Variants in PREX1 observed in about 807,000 individuals in gnomAD.
PREX1 encodes phosphatidylinositol 3,4,5-trisphosphate-dependent Rac exchanger 1 protein.
In PREX1, 41 loss-of-function variants were observed where a neutral mutation model predicts 198.3. The ratio of observed to expected loss-of-function variants is 0.21; its 90% CI spans 0.16 to 0.27. The LOEUF is 0.27. PREX1 is among the 10% of genes least tolerant of loss of function. The probability of loss-of-function intolerance (pLI) is 1.00; values close to 1 mark genes in which losing one functional copy is unlikely to be tolerated. For synonymous variants in PREX1, 843 were observed against 887.2 expected (o/e 0.95, Z 0.89); for missense variants, 1,620 against 2,200.7 (o/e 0.74, Z 5.28).
At chr20:48,714,455 G>T (rs145392031) in intron 5 of PREX1, among the ~76,000 whole-genome samples, 1 of 152,146 alleles carries the variant, frequency 6.6e-6, no homozygotes. Context: ...AACAGGCATA[G>T]GACTTGAACA....
At chr20:48,860,462 A>G in the PREX1 span, among the ~76,000 whole-genome samples, 1 of 152,222 alleles carries the variant, frequency 6.6e-6, no homozygotes, top group African/African-American at 2.4e-5. Flanking sequence ...AGGTTGCACA[A>G]CAATGTGGAT....
intron 31 of PREX1, among the ~76,000 whole-genome samples, chr20:48,637,309 C>A (rs117271362): frequency 6.6e-6 from 1 of 152,196 alleles, no homozygotes; most frequent in Non-Finnish European, 1.5e-5. Context: ...AGTAGCACCC[C>A]CTTGGCTAAT....
chr20:48,750,820 C>T (rs1486240354), intron 1 of PREX1, among the ~76,000 whole-genome samples: 1 of 152,184 alleles, frequency 6.6e-6, no homozygotes, highest in African/African-American at 2.4e-5. Context: ...GGGATGAAAC[C>T]ATAACCCCCA....
chr20:48,770,972 G>C (rs1408829536), intron 1 of PREX1, among the ~76,000 whole-genome samples: 2 of 152,112 alleles, frequency 1.3e-5, no homozygotes, highest in African/African-American at 4.8e-5. Flanking sequence ...CCTGCGATGG[G>C]GCACCAGGTT....
At chr20:48,877,271 CAA>C in the PREX1 span, among the ~76,000 whole-genome samples, 7 of 112,742 alleles carry the variant, frequency 6.2e-5, no homozygotes, top group Admixed American at 9.5e-5. Flanking sequence ...AACTCCATCT[CAA>C]AAAAAAAAAA....
At chr20:48,726,484 C>T (rs576561097) in intron 4 of PREX1, 93 bp from the exon 5 acceptor site, 2 of 875,898 alleles carry the variant, frequency 2.3e-6, no homozygotes, top group East Asian at 2.6e-5. Flanking sequence ...CAGAGCACAG[C>T]TACAATCACT....
chr20:48,688,935 C>T (rs2089801300), intron 9 of PREX1, 131 bp from the exon 10 acceptor site: 2 of 1,046,470 alleles, frequency 1.9e-6, no homozygotes, highest in Non-Finnish European at 2.8e-6. Context: ...CCCTCCACCA[C>T]CACCACGCCA....
chr20:48,767,526 A>G (rs1231540904), intron 1 of PREX1, among the ~76,000 whole-genome samples: 1 of 152,136 alleles, frequency 6.6e-6, no homozygotes, highest in African/African-American at 2.4e-5. Context: ...CCTAACTCAG[A>G]GAAGGAAATA....
At chr20:48,649,929 C>T (rs1309305020) in intron 24 of PREX1, 67 bp downstream of exon 24, 2 of 1,559,756 alleles carry the variant, frequency 1.3e-6, no homozygotes, top group African/African-American at 1.4e-5. Context: ...GACCTTCAGA[C>T]AAGTTTTGGT....
At chr20:48,826,066 T>A (rs909520804) in intron 1 of PREX1, among the ~76,000 whole-genome samples, 4 of 151,914 alleles carry the variant, frequency 2.6e-5, no homozygotes, top group Non-Finnish European at 5.9e-5. Context: ...CTCCCTGAGC[T>A]GGAACTCTGA....
chr20:48,649,570 A>G lies in PREX1; in HGVS notation c.3035T>C (p.Leu1012Pro). The change falls in exon 25 of 40, where the codon CTG becomes CCG. Residue 1012 changes from leucine to proline, a missense_variant. By Grantham distance (98) the Leu-to-Pro change is moderately conservative. Transcript: ENST00000371941. ...LIGLDPEQGH[L>P]NPMSYTQHCI... The stretch of plus-strand genomic sequence containing the variant: ...GTGCTGGGTGTACGACATGGGGTTC[A>G]GGTGGCCTGCAGTGGAGGAAGAGAG... 1.9e-6 allele frequency: 3 copies of G among 1,591,898 alleles called. No homozygotes were observed. Among genetic ancestry groups the G allele is most frequent in the Non-Finnish European group, 2.6e-6 (3 of 1,167,894 alleles).
chr20:48,823,570 C>A (rs2090496668), intron 1 of PREX1, among the ~76,000 whole-genome samples: 1 of 152,236 alleles, frequency 6.6e-6, no homozygotes, highest in African/African-American at 2.4e-5. Flanking sequence ...CCTCACTCAA[C>A]CCTCGTGCCA....
chr20:48,649,286 C>T lies in PREX1; in HGVS notation c.3305+14G>A, dbSNP rs766203027. On this transcript the variant is annotated intron_variant, in intron 25 of 39. Coordinates refer to ENST00000371941, the MANE Select transcript of PREX1 (RefSeq NM_020820.4). ...TGCCCCTGCTCACGCCGGACACCCCCGGCCAGCGCTCACCTGTTGATCTGG... is the reference window on the plus strand; with the variant it reads ...TGCCCCTGCTCACGCCGGACACCCCTGGCCAGCGCTCACCTGTTGATCTGG... The T allele has an allele frequency of 1.1e-5, 17 of 1,606,974 alleles. No individual in the cohort carries two copies. The highest frequency in any genetic ancestry group is 2.2e-5 in the East Asian group (1 of 44,772).
At chr20:48,824,147 ACT>A (rs1359701194) in intron 1 of PREX1, among the ~76,000 whole-genome samples, 4 of 152,112 alleles carry the variant, frequency 2.6e-5, no homozygotes, top group African/African-American at 4.8e-5. Context: ...AACCCCAGGC[ACT>A]GTTTCCCCCA....
Position 48,744,897 on chromosome 20 carries a change from C to T in PREX1, c.414+128G>A, listed in dbSNP as rs3746817. On this transcript the variant is annotated intron_variant, in intron 3 of 39. Transcript: ENST00000371941. ...GGGATGCAGACTGGGCCCACCTGCCCACCTTGCTACCCCATCTCCCAGACA... is the reference window on the plus strand; with the variant it reads ...GGGATGCAGACTGGGCCCACCTGCCTACCTTGCTACCCCATCTCCCAGACA... 2.3e-3 allele frequency: 2,897 copies of T among 1,281,598 alleles called. 43 individuals are homozygous for T. In the East Asian group the frequency reaches 0.04, roughly 18 times the overall value. The allele number at this position is 1,281,598 out of a possible 1,614,324, so 79.4% of individuals were successfully genotyped here. A position where few individuals can be genotyped will look rare whatever the true frequency, so the allele number is the denominator to read the frequency against.
At chr20:48,688,845 C>T (rs1486505614) in intron 9 of PREX1, 41 bp from the exon 10 acceptor site, 1 of 1,612,268 alleles carries the variant, frequency 6.2e-7, no homozygotes, top group Non-Finnish European at 8.5e-7. Context: ...AGCACCAGGC[C>T]CAGGGCAGGG....
At chr20:48,775,244 G>A (rs540273927) in intron 1 of PREX1, among the ~76,000 whole-genome samples, 1 of 152,220 alleles carries the variant, frequency 6.6e-6, no homozygotes, top group South Asian at 2.1e-4. Flanking sequence ...TTCTACAGGG[G>A]TGGAGCTGGA....
At position 48,657,156 on chromosome 20, in the gene PREX1, G is replaced by A. The variant is rs1467140385; in HGVS notation, c.2007C>T (p.Tyr669=). Residue 669 remains tyrosine, a synonymous_variant, in exon 18 of 40, where the codon TAC becomes TAT. Transcript: ENST00000371941. ...VAGLQVGRKI[Y]SINEDLVFLR... is the part of the protein sequence containing the mutation. Reference sequence around the variant, plus strand: ...GGAACACCAGGTCCTCATTGATGGAGTAGATCTTCCTCCCCACCTGCAGGC... The same window carrying A: ...GGAACACCAGGTCCTCATTGATGGAATAGATCTTCCTCCCCACCTGCAGGC... 1.9e-5 allele frequency: 31 copies of A among 1,613,576 alleles called. No homozygotes were observed. The highest frequency in any genetic ancestry group is 2.6e-5 in the Non-Finnish European group (31 of 1,179,854).
At chr20:48,637,013 G>A (rs1306286483) in intron 31 of PREX1, among the ~76,000 whole-genome samples, 2 of 152,346 alleles carry the variant, frequency 1.3e-5, no homozygotes, top group East Asian at 3.9e-4. Context: ...CTCATTATGG[G>A]ATTCCTTGGC....
Sources: allele counts gnomAD v4.1 joint callset (sites outside exome capture counted in the v4.1 genomes callset), GRCh38; gene constraint gnomAD v4.1.1; transcripts MANE v1.5; gene names NCBI Gene and HGNC (gene_info 2026-07-23, HGNC 2026-07-21).